The following ESRRG variants were observed in gnomAD, a reference collection of about 807,000 sequenced individuals.
ESRRG encodes the protein estrogen related receptor gamma.
ESRRG carries 13 observed loss-of-function variants against 44.0 expected under a neutral mutation model. That is an observed-to-expected ratio of 0.30 (90% CI 0.19 to 0.47). The LOEUF is 0.47. Ranked by LOEUF, ESRRG falls within the 20% of genes least tolerant of loss-of-function variation. The pLI is 1.00. For synonymous variants in ESRRG, 215 were observed against 214.6 expected (o/e 1.00, Z -0.02); for missense variants, 395 against 580.6 (o/e 0.68, Z 3.29).
chr1:216,954,693 G>T (rs759436349), intron 1 of ESRRG, among the ~76,000 whole-genome samples: 162 of 152,096 alleles, frequency 1.1e-3, no homozygotes, highest in Non-Finnish European at 1.6e-3. Flanking sequence ...AGAATATCAA[G>T]GCTATCACAT....
intron 1 of ESRRG, among the ~76,000 whole-genome samples, chr1:217,063,810 G>C (rs911879686): frequency 1.3e-5 from 2 of 152,172 alleles, no homozygotes; most frequent in East Asian, 3.9e-4. Flanking sequence ...CATTGGGGTA[G>C]AGACATAAAA....
chr1:216,555,264 C>T (rs1330689887), intron 5 of ESRRG, among the ~76,000 whole-genome samples: 4 of 152,206 alleles, frequency 2.6e-5, no homozygotes, highest in African/African-American at 7.2e-5. Flanking sequence ...AAAATTATTT[C>T]AAATTCTCCT....
At chr1:216,723,461 C>T (rs1011367794), upstream of ESRRG, 18 of 644,560 alleles carry the variant, frequency 2.8e-5, no homozygotes, top group Non-Finnish European at 4.4e-5. Context: ...CTTAAAGCCC[C>T]GATTGGAGCT....
intron 3 of ESRRG, among the ~76,000 whole-genome samples, chr1:216,640,142 T>C (rs1405789545): frequency 6.6e-6 from 1 of 152,156 alleles, no homozygotes; most frequent in Non-Finnish European, 1.5e-5. Context: ...TGAGTGGCAG[T>C]GGCAGGTCCT....
At chr1:216,687,533 G>A (rs148696822) in intron 1 of ESRRG, among the ~76,000 whole-genome samples, 3 of 152,186 alleles carry the variant, frequency 2.0e-5, no homozygotes, top group African/African-American at 4.8e-5. Context: ...CAAATGCCAC[G>A]TGGATTTGTA....
At chr1:216,769,362 T>A (rs1470528981) in intron 2 of ESRRG, among the ~76,000 whole-genome samples, 1 of 152,130 alleles carries the variant, frequency 6.6e-6, no homozygotes, top group East Asian at 1.9e-4. Flanking sequence ...GTAGGTGGGA[T>A]GACATAAGTA....
At chr1:216,569,120 G>T (rs2060249074) in intron 3 of ESRRG, among the ~76,000 whole-genome samples, 1 of 131,440 alleles carries the variant, frequency 7.6e-6, no homozygotes, top group Admixed American at 8.3e-5. Flanking sequence ...AAGAAGGAAG[G>T]AAGGAAGGAA....
intron 2 of ESRRG, among the ~76,000 whole-genome samples, chr1:216,917,443 A>G (rs1335428384): frequency 1.3e-5 from 2 of 152,166 alleles, no homozygotes; most frequent in Non-Finnish European, 2.9e-5. Context: ...TCATCCATTA[A>G]AAGGGAAAAT....
intron 5 of ESRRG, among the ~76,000 whole-genome samples, chr1:216,538,474 C>G (rs558616812): frequency 1.3e-5 from 2 of 151,968 alleles, no homozygotes; most frequent in Non-Finnish European, 2.9e-5. Context: ...TCTTTCTGCT[C>G]TAATGGAAAG....
At chr1:216,778,910 A>G (rs2093713751) in intron 2 of ESRRG, among the ~76,000 whole-genome samples, 1 of 150,942 alleles carries the variant, frequency 6.6e-6, no homozygotes, top group Admixed American at 6.7e-5. Flanking sequence ...TATCTATGCA[A>G]CAGGTTCTCA....
chr1:216,734,779 G>A (rs1250703300), intron 2 of ESRRG, among the ~76,000 whole-genome samples: 1 of 151,810 alleles, frequency 6.6e-6, no homozygotes, highest in East Asian at 1.9e-4. Flanking sequence ...TATTTTAATG[G>A]GGCTAATATA....
At chr1:216,888,131 T>G (rs1211226488) in intron 2 of ESRRG, among the ~76,000 whole-genome samples, 1 of 152,202 alleles carries the variant, frequency 6.6e-6, no homozygotes, top group Non-Finnish European at 1.5e-5. Flanking sequence ...AATGCAATTT[T>G]TCCTTTATTT....
rs543865024 is a variant in ESRRG at position 216,506,773 on chromosome 1, C to A, written c.*166G>T. 8 of 689,776 alleles carry A rather than the reference C, an allele frequency of 1.2e-5. No individual in the cohort carries two copies. Among genetic ancestry groups the A allele is most frequent in the East Asian group, 5.4e-5 (2 of 36,846 alleles). The allele number at this position is 689,776 out of a possible 1,614,324, so 42.7% of individuals were successfully genotyped here. A position where few individuals can be genotyped will look rare whatever the true frequency, so the allele number is the denominator to read the frequency against. On this transcript the variant is annotated 3_prime_UTR_variant, in exon 7 of 7. Transcript: ENST00000408911. Reference sequence around the variant, plus strand: ...AAAGTAGAAAGAAACTCATCAGGAACCTATGGAGGAATCTGAAAGCTGCTT... The same window carrying A: ...AAAGTAGAAAGAAACTCATCAGGAAACTATGGAGGAATCTGAAAGCTGCTT...
intron 2 of ESRRG, among the ~76,000 whole-genome samples, chr1:216,748,062 G>A (rs577057766): frequency 6.6e-6 from 1 of 152,134 alleles, no homozygotes; most frequent in Non-Finnish European, 1.5e-5. Context: ...ATTCAGATAG[G>A]ACTATATTGG....
intron 2 of ESRRG, among the ~76,000 whole-genome samples, chr1:216,892,479 CA>C: frequency 6.6e-6 from 1 of 152,118 alleles, no homozygotes; most frequent in East Asian, 1.9e-4. Flanking sequence ...CTCTATGTAA[CA>C]AAAAATCATA....
intron 1 of ESRRG, among the ~76,000 whole-genome samples, chr1:217,089,007 G>A (rs1407538775): frequency 6.6e-6 from 1 of 151,988 alleles, no homozygotes. Context: ...GAGGACAGGA[G>A]GGAGACACCT....
At chr1:216,715,290 A>G (rs1230038839) in intron 1 of ESRRG, 63 of 947,398 alleles carry the variant, frequency 6.6e-5, no homozygotes, top group Non-Finnish European at 7.5e-5. Context: ...CATAGGACCC[A>G]GCACCAACTG....
At chr1:216,656,397 A>G (rs1270629137) in intron 2 of ESRRG, among the ~76,000 whole-genome samples, 1 of 152,178 alleles carries the variant, frequency 6.6e-6, no homozygotes, top group Non-Finnish European at 1.5e-5. Context: ...AAGATAGAGC[A>G]ATTTATAATA....
intron 1 of ESRRG, among the ~76,000 whole-genome samples, chr1:216,711,436 C>G (rs2083584157): frequency 6.6e-6 from 1 of 152,172 alleles, no homozygotes; most frequent in South Asian, 2.1e-4. Context: ...TTAAGGTTCT[C>G]TTAACGAATG....
Sources: gnomAD v4.1 joint callset for allele counts (sites outside exome capture counted in the v4.1 genomes callset) on GRCh38, gnomAD v4.1.1 for gene constraint, MANE v1.5 for transcripts, NCBI Gene and HGNC (gene_info 2026-07-23, HGNC 2026-07-21) for gene names.